The following ZHX3 variants were observed in gnomAD, a reference collection of about 807,000 sequenced individuals.
ZHX3 encodes the protein zinc fingers and homeoboxes 3, also known as zinc fingers and homeoboxes protein 3.
In ZHX3, 20 loss-of-function variants were observed where a neutral mutation model predicts 64.5. The observed-to-expected ratio is 0.31, with a 90% confidence interval of 0.22 to 0.45. The LOEUF is 0.45. Among genes scored for constraint, ZHX3 ranks in the 20% least tolerant of loss-of-function variants. The pLI, the probability that ZHX3 is intolerant of heterozygous loss-of-function variation, is 1.00. For missense variants in ZHX3, 1,041 were observed against 1,195.8 expected, an observed-to-expected ratio of 0.87 and a Z score of 1.91; for synonymous variants, 423 against 461.6, an observed-to-expected ratio of 0.92 and a Z score of 1.07.
chr20:41,274,771 T>C (rs1400209420), intron 1 of ZHX3, among the ~76,000 whole-genome samples: 1 of 152,186 alleles, frequency 6.6e-6, no homozygotes, highest in African/African-American at 2.4e-5. Context: ...GGTGTCAACT[T>C]TTCAAAGTTT....
chr20:41,201,265 C>T lies in ZHX3; in HGVS notation c.2860+792G>A. 1.6e-6 allele frequency: 2 copies of T among 1,289,940 alleles called. No individual in the cohort carries two copies. Among genetic ancestry groups the T allele is most frequent in the Non-Finnish European group, 1.0e-6 (1 of 983,464 alleles). The allele number at this position is 1,289,940 out of a possible 1,614,324, so 79.9% of individuals were successfully genotyped here. On this transcript the variant is annotated intron_variant, in intron 3 of 3. Transcript: ENST00000683867. This position sits in a 1 kb window ranked among gnomAD's most constrained non-coding sequence, Gnocchi z 5.0. ...CCCAATCCCTTCAGCTTCTACAATA[C>T]TCCGCCCTCCTGGCTCTCACCTGAG... is the stretch of plus-strand genomic sequence containing the variant.
chr20:41,271,982 C>A lies in ZHX3; in HGVS notation c.-244-2899G>T, dbSNP rs189128228. 1.0e-3 allele frequency: 156 copies of A among 152,238 alleles called. 1 individual carries two copies. The highest frequency in any genetic ancestry group is 3.4e-3 in the African/African-American group (143 of 41,538). The allele number at this position is 152,238 out of a possible 1,614,324, so 9.4% of individuals were successfully genotyped here. A position where few individuals can be genotyped will look rare whatever the true frequency, so the allele number is the denominator to read the frequency against. On this transcript the variant is annotated intron_variant, in intron 1 of 3. Coordinates refer to ENST00000683867, the MANE Select transcript of ZHX3 (RefSeq NM_001384317.1). Reference sequence around the variant, plus strand: ...CATAAGTATGTCTTAGATTCTTTTACAATTCCTTTAAATTTTCATAAAACC... The same window carrying A: ...CATAAGTATGTCTTAGATTCTTTTAAAATTCCTTTAAATTTTCATAAAACC...
At chr20:41,196,736 G>C (rs1325588732) in intron 3 of ZHX3, 1 of 187,366 alleles carries the variant, frequency 5.3e-6, no homozygotes, top group Non-Finnish European at 1.1e-5. Flanking sequence ...CCAAAGTGAA[G>C]GCTTTGAAGG....
chr20:41,220,790 C>T (rs2039890662), intron 2 of ZHX3, among the ~76,000 whole-genome samples: 1 of 151,950 alleles, frequency 6.6e-6, no homozygotes, highest in Non-Finnish European at 1.5e-5. Flanking sequence ...ACCTCCCAGA[C>T]TCAAGTGATC....
chr20:41,261,695 T>G (rs1437993825), intron 2 of ZHX3, among the ~76,000 whole-genome samples: 3 of 152,260 alleles, frequency 2.0e-5, no homozygotes, highest in African/African-American at 7.2e-5. Flanking sequence ...TAAAGACTGA[T>G]CTTTGCCAAC....
Position 41,202,987 on chromosome 20 carries a change from G to A in ZHX3, c.1930C>T (p.Arg644Cys), listed in dbSNP as rs1257497731. 6.2e-6 allele frequency: 10 copies of A among 1,613,874 alleles called. No homozygotes were observed. The highest frequency in any genetic ancestry group is 3.3e-5 in the South Asian group (3 of 91,052). Reference protein sequence around the residue: ...NPLPLDEELDRLRSETKMTRR... With the variant: ...NPLPLDEELDCLRSETKMTRR... ...GTCATTTTGGTTTCACTTCTCAGGC[G>A]GTCCAGTTCCTCATCAAGAGGAAGA... is the stretch of plus-strand genomic sequence containing the variant. Residue 644 changes from arginine (R) to cysteine (C), a missense_variant, in exon 3 of 4, where the codon CGC becomes TGC. Coordinates refer to ENST00000683867, the MANE Select transcript of ZHX3 (RefSeq NM_001384317.1). The surrounding 1 kb of genome is among the most constrained non-coding windows in gnomAD (Gnocchi z 7.0).
At chr20:41,299,135 T>TAAC (rs2044685069) in intron 1 of ZHX3, among the ~76,000 whole-genome samples, 1 of 152,216 alleles carries the variant, frequency 6.6e-6, no homozygotes, top group East Asian at 1.9e-4. Context: ...CTCACCCTGC[T>TAAC]AACAACAAAA....
chr20:41,232,663 C>T lies in ZHX3; in HGVS notation c.-150-27597G>A, dbSNP rs530531605. On this transcript the variant is annotated intron_variant, in intron 2 of 3. Coordinates refer to ENST00000683867, the MANE Select transcript of ZHX3 (RefSeq NM_001384317.1). This position sits in a 1 kb window ranked among gnomAD's most constrained non-coding sequence, Gnocchi z 5.0. ...GGAGTGCAGTGGCGCAATCTCGGCT[C>T]ATTGCAAGCTCCGCCTCCCGGGTTC... Among the ~76,000 whole-genome samples the T allele has an allele frequency of 6.6e-6, 1 of 152,226 alleles. No homozygotes were observed. Among genetic ancestry groups the T allele is most frequent in the African/African-American group, 2.4e-5 (1 of 41,546 alleles).
intron 3 of ZHX3, among the ~76,000 whole-genome samples, chr20:41,194,787 C>A (rs1039296489): frequency 6.6e-6 from 1 of 152,078 alleles, no homozygotes; most frequent in Non-Finnish European, 1.5e-5. Context: ...TGGGAGAGTG[C>A]GGGTTTCTAG....
intron 2 of ZHX3, among the ~76,000 whole-genome samples, chr20:41,245,173 T>C (rs1409136577): frequency 6.6e-6 from 1 of 152,204 alleles, no homozygotes; most frequent in Non-Finnish European, 1.5e-5. Flanking sequence ...CCTTCAATTT[T>C]CACAGCATCA....
rs549903196 is a variant in ZHX3, at chr20:41,219,722, G to A, written c.-150-14656C>T. ...TTGTGGTTATTAAGCTATCCACCAG[G>A]GCTCTGGGCCTTGCCCTCCACTGGA... On this transcript the variant is annotated intron_variant, in intron 2 of 3. Transcript: ENST00000683867. This position sits in a 1 kb window ranked among gnomAD's most constrained non-coding sequence, Gnocchi z 5.0. Among the ~76,000 whole-genome samples the A allele has an allele frequency of 6.6e-6, 1 of 152,330 alleles. No homozygotes were observed. The highest frequency in any genetic ancestry group is 2.1e-4 in the South Asian group (1 of 4,830).
chr20:41,294,486 C>T (rs544698971), intron 1 of ZHX3, among the ~76,000 whole-genome samples: 1 of 151,988 alleles, frequency 6.6e-6, no homozygotes, highest in Non-Finnish European at 1.5e-5. Flanking sequence ...CTCAGCCTCC[C>T]GAGTAGCTGG....
At chr20:41,275,932 C>CACT (rs900582817) in intron 1 of ZHX3, among the ~76,000 whole-genome samples, 2 of 152,148 alleles carry the variant, frequency 1.3e-5, no homozygotes, top group Non-Finnish European at 2.9e-5. Context: ...TTTATAAAAA[C>CACT]ACTAAACAAA....
At chr20:41,229,174 C>G (rs1168704376) in intron 2 of ZHX3, among the ~76,000 whole-genome samples, 1 of 152,078 alleles carries the variant, frequency 6.6e-6, no homozygotes, top group Admixed American at 6.5e-5. Context: ...TAGTATTTGC[C>G]TTTTTATAAC....
intron 2 of ZHX3, among the ~76,000 whole-genome samples, chr20:41,265,072 A>T (rs1237254089): frequency 6.6e-6 from 1 of 152,234 alleles, no homozygotes; most frequent in African/African-American, 2.4e-5. Context: ...TCCTTCCAAC[A>T]AAAAGCAACA....
chr20:41,289,157 A>ATTTTTTTTTTT (rs200903396), intron 1 of ZHX3, among the ~76,000 whole-genome samples: 2 of 149,920 alleles, frequency 1.3e-5, no homozygotes, highest in Non-Finnish European at 1.5e-5. Flanking sequence ...TGTCCAGTTA[A>ATTTTTTTTTTT]TTTTTTTTTA....
intron 2 of ZHX3, among the ~76,000 whole-genome samples, chr20:41,242,475 G>A (rs2041443439): frequency 6.6e-6 from 1 of 152,172 alleles, no homozygotes; most frequent in Non-Finnish European, 1.5e-5. Context: ...GGAGTAAAGT[G>A]GCTTAGGAGA....
rs937757203 is a variant in ZHX3 at position 41,302,093 on chromosome 20, A to G, written c.-245+15416T>C. On this transcript the variant is annotated intron_variant, in intron 1 of 3. Transcript: ENST00000683867. ...AAAAAAAAAAAAAAAGGAACAGGCC[A>G]CCGCAAGTGCTCTTCCAACCCCGTG... 7.4e-5 allele frequency among the ~76,000 whole-genome samples: 10 copies of G among 135,916 alleles called. No homozygotes were observed. The South Asian group carries it at 1.7e-3, about 23-fold the overall frequency. The allele number at this position is 135,916 out of a possible 152,430, so 89.2% of individuals were successfully genotyped here.
At chr20:41,196,259 TA>T in intron 3 of ZHX3, among the ~76,000 whole-genome samples, 1 of 129,012 alleles carries the variant, frequency 7.8e-6, no homozygotes, top group East Asian at 2.0e-4. Flanking sequence ...GGAGCTCTGT[TA>T]GGGGTATATA....
Sources: allele counts gnomAD v4.1 joint callset (sites outside exome capture counted in the v4.1 genomes callset), GRCh38; gene constraint gnomAD v4.1.1; non-coding constraint Gnocchi (gnomAD v3.1); transcripts MANE v1.5; gene names NCBI Gene and HGNC (gene_info 2026-07-23, HGNC 2026-07-21).